Variants in SDK1 observed in about 807,000 individuals in gnomAD.
SDK1 encodes the protein sidekick cell adhesion molecule 1.
Under a neutral mutation model 245.5 loss-of-function variants are expected in SDK1, and 157 were observed. The ratio of observed to expected loss-of-function variants is 0.64; its 90% CI spans 0.56 to 0.73. The LOEUF (loss-of-function observed/expected upper bound fraction) is 0.73. Among genes scored for constraint, SDK1 ranks in the 30% least tolerant of loss-of-function variants. The probability of loss-of-function intolerance (pLI) is 0.00; values close to 1 mark genes in which losing one functional copy is unlikely to be tolerated. For synonymous variants in SDK1, 1,647 were observed against 1,278.5 expected, an observed-to-expected ratio of 1.29 and a Z score of -6.15; for missense variants, 3,583 against 3,002.3, an observed-to-expected ratio of 1.19 and a Z score of -4.52.
intron 1 of SDK1, among the ~76,000 whole-genome samples, chr7:3,343,287 C>T (rs904020232): frequency 2.6e-5 from 4 of 152,246 alleles, no homozygotes; most frequent in South Asian, 2.1e-4. Flanking sequence ...CTTCAGTGAA[C>T]GCATTATTGA....
chr7:4,076,522 C>T (rs1016494771), intron 20 of SDK1, among the ~76,000 whole-genome samples: 8 of 152,160 alleles, frequency 5.3e-5, no homozygotes, highest in Admixed American at 5.2e-4. Flanking sequence ...CACCATTGCA[C>T]TTCAGCCTGG....
intron 1 of SDK1, among the ~76,000 whole-genome samples, chr7:3,391,966 AATATAT>A (rs55768106): frequency 1.3e-4 from 18 of 143,942 alleles, no homozygotes; most frequent in Middle Eastern, 3.6e-3. Flanking sequence ...TATATCATGT[AATATAT>A]ATATATATAT....
intron 1 of SDK1, among the ~76,000 whole-genome samples, chr7:3,555,705 A>C (rs1027920777): frequency 1.3e-5 from 2 of 152,198 alleles, no homozygotes; most frequent in Admixed American, 1.3e-4. Flanking sequence ...ATATATAAGG[A>C]GTTCAAGCAA....
At position 4,051,127 on chromosome 7, in the gene SDK1, A is replaced by G. The variant is rs1354100015; in HGVS notation, c.2719-511A>G. ...TAATATATATGTATAATATATACAT[A>G]TTATATATAATATATGTATAATATA... On this transcript the variant is annotated intron_variant, in intron 18 of 44. Coordinates refer to ENST00000404826, the MANE Select transcript of SDK1 (RefSeq NM_152744.4). 3.6e-4 allele frequency among the ~76,000 whole-genome samples: 50 copies of G among 137,474 alleles called. 1 individual carries two copies. The South Asian group carries it at 0.011, about 31-fold the overall frequency. The allele number at this position is 137,474 out of a possible 152,430, so 90.2% of individuals were successfully genotyped here.
At chr7:3,522,581 G>T (rs1433384948) in intron 1 of SDK1, among the ~76,000 whole-genome samples, 1 of 152,068 alleles carries the variant, frequency 6.6e-6, no homozygotes, top group African/African-American at 2.4e-5. Context: ...AAGGAGCCCT[G>T]ATATGTTTAT....
intron 43 of SDK1, among the ~76,000 whole-genome samples, chr7:4,243,531 G>A (rs1786657010): frequency 6.6e-6 from 1 of 152,216 alleles, no homozygotes; most frequent in African/African-American, 2.4e-5. Flanking sequence ...AATCATGGCG[G>A]AAGGCAAGGA....
chr7:4,090,088 G>T (rs1781688824), intron 22 of SDK1, among the ~76,000 whole-genome samples: 1 of 152,164 alleles, frequency 6.6e-6, no homozygotes, highest in Admixed American at 6.5e-5. Flanking sequence ...GGCACCTCCT[G>T]CTACACCTTG....
At chr7:3,684,194 C>T (rs1442680022) in intron 4 of SDK1, among the ~76,000 whole-genome samples, 1 of 152,166 alleles carries the variant, frequency 6.6e-6, no homozygotes, top group Non-Finnish European at 1.5e-5. Flanking sequence ...AAGCCTCTAC[C>T]CCAACTCAGC....
intron 1 of SDK1, among the ~76,000 whole-genome samples, chr7:3,465,277 T>C (rs1023222522): frequency 2.0e-5 from 3 of 152,124 alleles, no homozygotes; most frequent in Admixed American, 6.5e-5. Context: ...ATGAATGGTA[T>C]CGTCTAGAGG....
At chr7:3,933,123 CTTTTTTTTTTTTTTTTT>C (rs11364780) in intron 5 of SDK1, among the ~76,000 whole-genome samples, 5 of 83,260 alleles carry the variant, frequency 6.0e-5, no homozygotes, top group Non-Finnish European at 1.1e-4. Flanking sequence ...GCTCCTGGAT[CTTTTTTTTTTTTTTTTT>C]TTTTTTTTGA....
intron 33 of SDK1, among the ~76,000 whole-genome samples, 181 bp from the exon 34 acceptor site, chr7:4,175,594 G>A (rs377715662): frequency 4.6e-5 from 7 of 152,358 alleles, no homozygotes; most frequent in Admixed American, 2.0e-4. Flanking sequence ...GGCAGCCCCC[G>A]CAACTGGGAG....
chr7:3,372,979 A>C (rs531290603), intron 1 of SDK1, among the ~76,000 whole-genome samples: 57 of 152,336 alleles, frequency 3.7e-4, no homozygotes, highest in African/African-American at 1.3e-3. Context: ...AATTTTGTAA[A>C]CTAAAATCCA....
chr7:4,132,293 G>A (rs761067644), intron 27 of SDK1, 32 bp from the exon 28 acceptor site: 1 of 1,554,938 alleles, frequency 6.4e-7, no homozygotes, highest in Non-Finnish European at 8.8e-7. Context: ...ACACTGTCTT[G>A]AGATCTGAAT....
In SDK1 at chr7:3,986,722, A is replaced by G. The variant is rs564236193; in HGVS notation, c.1995-464A>G. Among the ~76,000 whole-genome samples, 47 of 152,278 alleles carry G rather than the reference A, an allele frequency of 3.1e-4. No homozygotes were observed. The South Asian group carries it at 7.5e-3, about 24-fold the overall frequency. ...CTAAAAATACAAAAATTAGCTGGGCATGGTGGCAGGCGCCTATAATCCCAC... is the reference window on the plus strand; with the variant it reads ...CTAAAAATACAAAAATTAGCTGGGCGTGGTGGCAGGCGCCTATAATCCCAC... On this transcript the variant is annotated intron_variant, in intron 13 of 44. Coordinates refer to ENST00000404826, the MANE Select transcript of SDK1 (RefSeq NM_152744.4).
intron 1 of SDK1, among the ~76,000 whole-genome samples, chr7:3,456,554 C>T (rs1210961910): frequency 2.0e-5 from 3 of 152,092 alleles, no homozygotes; most frequent in African/African-American, 7.2e-5. Context: ...CTTTAACTTT[C>T]ATTTGTTTTT....
intron 1 of SDK1, among the ~76,000 whole-genome samples, chr7:3,432,112 T>TAA (rs202224777): frequency 2.1e-4 from 18 of 84,258 alleles, no homozygotes; most frequent in African/African-American, 6.0e-4. Context: ...CAGGCTGCAG[T>TAA]AAAAAAAAAA....
chr7:3,803,746 T>C (rs937143410), intron 4 of SDK1, among the ~76,000 whole-genome samples: 2 of 94,476 alleles, frequency 2.1e-5, no homozygotes, highest in Non-Finnish European at 4.6e-5. Flanking sequence ...TATTTTCCTC[T>C]TTTTTTTTTT....
intron 1 of SDK1, among the ~76,000 whole-genome samples, chr7:3,611,576 C>G (rs1781590606): frequency 6.6e-6 from 1 of 152,066 alleles, no homozygotes. Flanking sequence ...AGTGGGATTG[C>G]TAGATGAAAG....
In SDK1 at chr7:4,158,657, G is replaced by T; in HGVS notation, c.4729+106G>T. 2.7e-6 allele frequency: 2 copies of T among 732,168 alleles called. 1 individual carries two copies. Among genetic ancestry groups the T allele is most frequent in the South Asian group, 3.2e-5 (2 of 62,036 alleles). The allele number at this position is 732,168 out of a possible 1,614,324, so 45.4% of individuals were successfully genotyped here. On this transcript the variant is annotated intron_variant, in intron 31 of 44. Coordinates refer to ENST00000404826, the MANE Select transcript of SDK1 (RefSeq NM_152744.4). Reference sequence around the variant, plus strand: ...GCCAGAAAGGGGCCACCAGGGAGTGGTGGAAAGCAGTAGAATTCCATTAGT... The same window carrying T: ...GCCAGAAAGGGGCCACCAGGGAGTGTTGGAAAGCAGTAGAATTCCATTAGT...
Sources: gnomAD v4.1 joint callset for allele counts (sites outside exome capture counted in the v4.1 genomes callset) on GRCh38, gnomAD v4.1.1 for gene constraint, MANE v1.5 for transcripts, NCBI Gene and HGNC (gene_info 2026-07-23, HGNC 2026-07-21) for gene names.